The following KCTD9 variants were observed in gnomAD, a reference collection of about 807,000 sequenced individuals.
KCTD9 encodes the protein BTB/POZ domain-containing protein KCTD9.
KCTD9 carries 17 observed loss-of-function variants against 53.3 expected under a neutral mutation model. The observed-to-expected ratio is 0.32, with a 90% CI of 0.22 to 0.48. The LOEUF (loss-of-function observed/expected upper bound fraction) is 0.48, where lower values mean the gene tolerates loss of function less well. Among genes scored for constraint, KCTD9 ranks in the 20% least tolerant of loss-of-function variants. KCTD9 has a pLI of 0.99. For missense variants in KCTD9, 179 were observed against 465.5 expected (o/e 0.38, Z 5.66); for synonymous variants, 128 against 162.7 (o/e 0.79, Z 1.62).
chr8:25,439,812 A>G, intron 4 of KCTD9, 148 bp from the exon 5 acceptor site: 1 of 1,466,488 alleles, frequency 6.8e-7, no homozygotes, highest in South Asian at 1.4e-5. Context: ...AAAAACGTGC[A>G]GTAAGTTGCC....
chr8:25,445,113 G>T (rs1802192484), intron 2 of KCTD9, among the ~76,000 whole-genome samples: 1 of 152,128 alleles, frequency 6.6e-6, no homozygotes, highest in African/African-American at 2.4e-5. Context: ...GAAAGAAGCT[G>T]GGAGATACAT....
At chr8:25,440,472 A>T in intron 4 of KCTD9, 105 bp downstream of exon 4, 1 of 795,310 alleles carries the variant, frequency 1.3e-6, no homozygotes. Flanking sequence ...TAGTATATTT[A>T]AGCAGCATTT....
chr8:25,429,907 T>C lies in KCTD9; in HGVS notation c.1120A>G (p.Ile374Val), dbSNP rs773898479. 8 of 1,610,154 alleles carry C rather than the reference T, an allele frequency of 5.0e-6. No individual in the cohort carries two copies. Among genetic ancestry groups the C allele is most frequent in the Non-Finnish European group, 6.8e-6 (8 of 1,176,578 alleles). The change falls in exon 12 of 12, where the codon ATA becomes GTA. Residue 374 changes from isoleucine to valine, a missense_variant. This residue lies in a region of KCTD9 where 30 missense variants were observed against 133.2 expected (regional missense o/e 0.23). Transcript: ENST00000221200. ...AGTGGTGTCAGCATCTCTTCAAATATAGCTCCCTTCACGTTGGACCCTCTC... is the reference window on the plus strand; with the variant it reads ...AGTGGTGTCAGCATCTCTTCAAATACAGCTCCCTTCACGTTGGACCCTCTC... ...NLRGSNVKGA[I>V]FEEMLTPLHM...
rs78332134 is a variant in KCTD9 at position 25,438,663 on chromosome 8, C to T, written c.499+616G>A. Among the ~76,000 whole-genome samples, 1,023 of 152,332 alleles carry T rather than the reference C, an allele frequency of 6.7e-3. 9 individuals carry two copies. Among genetic ancestry groups the T allele is most frequent in the Admixed American group, 0.012 (187 of 15,292 alleles). On this transcript the variant is annotated intron_variant, in intron 6 of 11. Coordinates refer to ENST00000221200, the MANE Select transcript of KCTD9 (RefSeq NM_017634.4). The stretch of plus-strand genomic sequence containing the variant: ...CAGTCACTTGGAGGCCTATTAGCTT[C>T]CAAATATGCAACCAGTGTTTTATAA...
intron 2 of KCTD9, among the ~76,000 whole-genome samples, chr8:25,445,401 T>C (rs1457359393): frequency 6.6e-6 from 1 of 152,174 alleles, no homozygotes; most frequent in Non-Finnish European, 1.5e-5. Flanking sequence ...AGACTTTGTA[T>C]ATCATTATAG....
chr8:25,446,022 C>A, intron 2 of KCTD9, 107 bp downstream of exon 2: 2 of 1,422,494 alleles, frequency 1.4e-6, no homozygotes, highest in Non-Finnish European at 1.9e-6. Flanking sequence ...AAACACTTGC[C>A]AAAATCCTGT....
At chr8:25,450,067 G>A (rs1415463464) in intron 1 of KCTD9, among the ~76,000 whole-genome samples, 1 of 152,116 alleles carries the variant, frequency 6.6e-6, no homozygotes, top group Admixed American at 6.5e-5. Context: ...AGTACAACAG[G>A]TATTTCCTTG....
chr8:25,439,460 G>A, intron 5 of KCTD9, 53 bp from the exon 6 acceptor site: 1 of 1,573,406 alleles, frequency 6.4e-7, no homozygotes, highest in Non-Finnish European at 8.6e-7. Context: ...AATAAAGTCA[G>A]AAATGTATGA....
intron 9 of KCTD9, among the ~76,000 whole-genome samples, chr8:25,435,078 A>T (rs1257286278): frequency 6.6e-6 from 1 of 152,204 alleles, no homozygotes. Flanking sequence ...ATGAGTCCTG[A>T]TAAATAAAGT....
Position 25,458,399 on chromosome 8 carries a change from C to A in KCTD9, c.-153G>T. ...CCCTTGGGGACACACCACACGCACG[C>A]ACTCTGTCCCACACCCAAGGTTCGG... On this transcript the variant is annotated 5_prime_UTR_variant, in exon 1 of 12. Coordinates refer to ENST00000221200, the MANE Select transcript of KCTD9 (RefSeq NM_017634.4). 1.2e-6 allele frequency: 1 copy of A among 807,932 alleles called. No homozygotes were observed. The highest frequency in any genetic ancestry group is 2.1e-5 in the Admixed American group (1 of 47,264). The allele number at this position is 807,932 out of a possible 1,614,324, so 50.0% of individuals were successfully genotyped here. A position where few individuals can be genotyped will look rare whatever the true frequency, so the allele number is the denominator to read the frequency against.
At chr8:25,452,184 C>G (rs993476715) in intron 1 of KCTD9, among the ~76,000 whole-genome samples, 1 of 151,862 alleles carries the variant, frequency 6.6e-6, no homozygotes, top group Non-Finnish European at 1.5e-5. Context: ...TAAATATTTA[C>G]ATGATCTTAT....
At chr8:25,443,650 C>T (rs903354326) in intron 3 of KCTD9, among the ~76,000 whole-genome samples, 15 of 152,152 alleles carry the variant, frequency 9.9e-5, no homozygotes, top group African/African-American at 2.4e-4. Flanking sequence ...TTGACAATTG[C>T]CTGTGCAACA....
intron 1 of KCTD9, among the ~76,000 whole-genome samples, chr8:25,453,817 T>A (rs1269778425): frequency 6.6e-6 from 1 of 152,220 alleles, no homozygotes; most frequent in African/African-American, 2.4e-5. Flanking sequence ...GATTTACAGA[T>A]GTTTGCTATA....
chr8:25,455,866 GT>G (rs1563251594), intron 1 of KCTD9, among the ~76,000 whole-genome samples: 1 of 152,084 alleles, frequency 6.6e-6, no homozygotes, highest in Non-Finnish European at 1.5e-5. Context: ...GAAAAATCAA[GT>G]TTTCACATTA....
In KCTD9 at chr8:25,432,570, G is replaced by A; in HGVS notation, c.987C>T (p.Thr329=). The change falls in exon 11 of 12, where the codon ACC becomes ACT. Residue 329 remains threonine (T), a synonymous_variant. Transcript: ENST00000221200. The part of the protein sequence containing the change: ...QMTGINLRVA[T]LKNAKLKNCN... ...AGTTCTTCAACTTTGCATTTTTTAA[G>A]GTAGCCACTCTCAGGTTAATTCCTG... 1 of 1,613,574 alleles carries A rather than the reference G, an allele frequency of 6.2e-7. No homozygotes were observed. The highest frequency in any genetic ancestry group is 1.1e-5 in the South Asian group (1 of 91,028).
chr8:25,431,219 T>A (rs183105213), intron 11 of KCTD9, among the ~76,000 whole-genome samples: 3 of 152,318 alleles, frequency 2.0e-5, no homozygotes, highest in Admixed American at 2.0e-4. Flanking sequence ...GACTTTTTTT[T>A]TAATCTGAAA....
At chr8:25,448,627 G>A (rs955018462) in intron 1 of KCTD9, among the ~76,000 whole-genome samples, 1 of 152,180 alleles carries the variant, frequency 6.6e-6, no homozygotes, top group Non-Finnish European at 1.5e-5. Context: ...ATTAAAGCCT[G>A]AGTAGGGCTG....
At chr8:25,444,471 G>A in intron 2 of KCTD9, 136 bp from the exon 3 acceptor site, 3 of 721,698 alleles carry the variant, frequency 4.2e-6, no homozygotes, top group Non-Finnish European at 4.5e-6. Flanking sequence ...AAGAAGCTAA[G>A]TTTCCAATGC....
chr8:25,440,474 G>T, intron 4 of KCTD9, 103 bp downstream of exon 4: 1 of 799,296 alleles, frequency 1.3e-6, no homozygotes, highest in Non-Finnish European at 2.2e-6. Context: ...GTATATTTAA[G>T]CAGCATTTGA....
Sources: gnomAD v4.1 joint callset for allele counts (sites outside exome capture counted in the v4.1 genomes callset) on GRCh38, gnomAD v4.1.1 for gene constraint, gnomAD v4.1.1 regional missense constraint, MANE v1.5 for transcripts, NCBI Gene and HGNC (gene_info 2026-07-23, HGNC 2026-07-21) for gene names.